The following DST variants were observed in gnomAD, a reference collection of about 807,000 sequenced individuals.
DST encodes the protein dystonin.
Under a neutral mutation model 875.2 loss-of-function variants are expected in DST, and 253 were observed. The observed-to-expected ratio is 0.29, with a 90% CI of 0.26 to 0.32. The LOEUF is 0.32. Among genes scored for constraint, DST ranks in the 10% least tolerant of loss-of-function variants. The pLI is 1.00. For synonymous variants in DST, 3,124 were observed against 3,197.1 expected (o/e 0.98, Z 0.77); for missense variants, 8,287 against 9,111.6 (o/e 0.91, Z 3.68).
intron 4 of DST, among the ~76,000 whole-genome samples, chr6:56,825,578 C>G (rs2099779472): frequency 6.7e-6 from 1 of 149,406 alleles, no homozygotes; most frequent in Admixed American, 6.7e-5. Flanking sequence ...ATTCTATCTT[C>G]TGTTTTTATA....
intron 2 of DST, among the ~76,000 whole-genome samples, chr6:56,908,108 C>T (rs573061619): frequency 1.3e-5 from 2 of 149,060 alleles, no homozygotes; most frequent in Non-Finnish European, 2.9e-5. Context: ...TACACACACA[C>T]ACACACACAT....
chr6:56,478,639 T>G (rs1405041715), intron 90 of DST, among the ~76,000 whole-genome samples: 1 of 152,168 alleles, frequency 6.6e-6, no homozygotes, highest in Non-Finnish European at 1.5e-5. Context: ...GTGACACGCT[T>G]CCAAAATCTC....
At chr6:56,616,322 A>T (rs756242956) in intron 36 of DST, 1 of 1,613,720 alleles carries the variant, frequency 6.2e-7, no homozygotes, top group African/African-American at 1.3e-5. Context: ...ATAGGATTCA[A>T]AAAACATAGC....
At chr6:56,733,982 G>C (rs2099513326) in intron 5 of DST, among the ~76,000 whole-genome samples, 1 of 152,174 alleles carries the variant, frequency 6.6e-6, no homozygotes, top group Admixed American at 6.5e-5. Context: ...CACGTCCCTA[G>C]CCTGAGTCAG....
chr6:56,809,506 A>G (rs1378000518), intron 4 of DST, among the ~76,000 whole-genome samples: 1 of 152,186 alleles, frequency 6.6e-6, no homozygotes, highest in Non-Finnish European at 1.5e-5. Flanking sequence ...ATATTCTTAT[A>G]TAGTCAAACA....
chr6:56,506,860 A>C, intron 75 of DST, 71 bp from the exon 76 acceptor site: 1 of 1,434,428 alleles, frequency 7.0e-7, no homozygotes. Context: ...GTACACAACA[A>C]TATCAATGGT....
rs2097546929 is a variant in DST at position 56,562,258 on chromosome 6, A to C, written c.14006-58T>G. The C allele has an allele frequency of 3.4e-5, 41 of 1,211,998 alleles. No individual in the cohort carries two copies. The South Asian group carries it at 6.3e-4, about 19-fold the overall frequency. The allele number at this position is 1,211,998 out of a possible 1,614,324, so 75.1% of individuals were successfully genotyped here. A position where few individuals can be genotyped will look rare whatever the true frequency, so the allele number is the denominator to read the frequency against. On this transcript the variant is annotated intron_variant, in intron 55 of 103. Transcript: ENST00000680361. ...TTTCATAGTATTTCTATACATTAAC[A>C]GTAGATGGCATTAAATCAAACCCCA... is the stretch of plus-strand genomic sequence containing the variant.
chr6:56,951,578 T>C (rs1822317692), intron 2 of DST, among the ~76,000 whole-genome samples: 1 of 152,194 alleles, frequency 6.6e-6, no homozygotes, highest in Admixed American at 6.5e-5. Flanking sequence ...TATGTTTTCC[T>C]TAAGGGAAAA....
chr6:56,824,144 G>A (rs957017690), intron 4 of DST, among the ~76,000 whole-genome samples: 24 of 151,668 alleles, frequency 1.6e-4, no homozygotes, highest in Admixed American at 4.6e-4. Flanking sequence ...GAGTGCCTGC[G>A]ATTGCAGGCG....
chr6:56,852,385 T>A (rs530809230), intron 3 of DST, among the ~76,000 whole-genome samples: 1 of 152,338 alleles, frequency 6.6e-6, no homozygotes, highest in African/African-American at 2.4e-5. Context: ...TGCTGCGCAG[T>A]GACAGGAAAC....
intron 99 of DST, among the ~76,000 whole-genome samples, chr6:56,465,552 A>G (rs1045242669): frequency 6.6e-6 from 1 of 151,928 alleles, no homozygotes; most frequent in Non-Finnish European, 1.5e-5. Context: ...CTATAGTATT[A>G]TATGTTTATA....
intron 2 of DST, among the ~76,000 whole-genome samples, chr6:56,947,796 C>A (rs1421599420): frequency 1.2e-4 from 18 of 152,168 alleles, no homozygotes; most frequent in Admixed American, 1.2e-3. Context: ...TATCCTCATG[C>A]CCTTATACCA....
At chr6:56,501,314 A>G in intron 79 of DST, 79 bp from the exon 80 acceptor site, 1 of 1,422,384 alleles carries the variant, frequency 7.0e-7, no homozygotes, top group Non-Finnish European at 9.4e-7. Context: ...GGACAAAAAT[A>G]ATTGTTTCAT....
intron 4 of DST, among the ~76,000 whole-genome samples, chr6:56,841,263 A>T (rs1184101091): frequency 3.9e-5 from 6 of 152,220 alleles, no homozygotes; most frequent in Non-Finnish European, 7.4e-5. Flanking sequence ...CATGGAATAC[A>T]CTGCCCAATA....
At chr6:56,839,810 A>G (rs1017491866) in intron 4 of DST, among the ~76,000 whole-genome samples, 3 of 152,206 alleles carry the variant, frequency 2.0e-5, no homozygotes, top group African/African-American at 7.2e-5. Flanking sequence ...AGAAGAAACT[A>G]AAGCAATTAT....
At chr6:56,636,489 A>G in intron 23 of DST, 68 bp downstream of exon 23, 2 of 1,231,938 alleles carry the variant, frequency 1.6e-6, no homozygotes, top group Non-Finnish European at 2.4e-6. Flanking sequence ...ATAAATTATG[A>G]AAAAGATTCC....
At chr6:56,890,180 C>T (rs910920307) in intron 3 of DST, among the ~76,000 whole-genome samples, 3 of 151,212 alleles carry the variant, frequency 2.0e-5, no homozygotes, top group Non-Finnish European at 2.9e-5. Context: ...ATGACCTTGA[C>T]ACATTTCCTC....
Position 56,628,278 on chromosome 6 carries a change from G to T in DST, c.4476-117C>A, listed in dbSNP as rs1313166180. ...CTGCAATGAACTAAGCACAAGACGG[G>T]TATGTATAAAGAACTCAAGGCTGCA... On this transcript the variant is annotated intron_variant, in intron 32 of 103. Transcript: ENST00000680361. 4 of 897,358 alleles carry T rather than the reference G, an allele frequency of 4.5e-6. No homozygotes were observed. The African/African-American group carries it at 6.6e-5, about 15-fold the overall frequency. The allele number at this position is 897,358 out of a possible 1,614,324, so 55.6% of individuals were successfully genotyped here. A position where few individuals can be genotyped will look rare whatever the true frequency, so the allele number is the denominator to read the frequency against.
At position 56,900,580 on chromosome 6, in the gene DST, T is replaced by C. The variant is rs201106926; in HGVS notation, c.258A>G (p.Ala86=). 2.2e-3 allele frequency: 3,042 copies of C among 1,367,684 alleles called. 9 individuals carry two copies. The highest frequency in any genetic ancestry group is 2.8e-3 in the Non-Finnish European group (2,863 of 1,021,848). The allele number at this position is 1,367,684 out of a possible 1,614,324, so 84.7% of individuals were successfully genotyped here. A position where few individuals can be genotyped will look rare whatever the true frequency, so the allele number is the denominator to read the frequency against. ...CTTCCAGACGGGCAGCTGCGGCCGC[T>C]GCAACTCGTCTTCTAAGATGCCGAG... is the stretch of plus-strand genomic sequence containing the variant. ...ASPRHLRRRV[A]AAAAARLEEV... Residue 86 remains alanine, a synonymous_variant, in exon 3 of 104, where the codon GCA becomes GCG. Coordinates refer to ENST00000680361, the MANE Select transcript of DST (RefSeq NM_001374736.1).
Sources: gnomAD v4.1 joint callset for allele counts (sites outside exome capture counted in the v4.1 genomes callset) on GRCh38, gnomAD v4.1.1 for gene constraint, MANE v1.5 for transcripts, NCBI Gene and HGNC (gene_info 2026-07-23, HGNC 2026-07-21) for gene names.